COL13A1: variants seen among roughly 807,000 people sequenced by gnomAD.
The protein encoded by COL13A1 is collagen type XIII alpha 1 chain, also known as collagen alpha-1(XIII) chain.
In COL13A1, 89 loss-of-function variants were observed where a neutral mutation model predicts 130.9. The observed-to-expected ratio is 0.68, with a 90% CI of 0.57 to 0.81. The LOEUF (loss-of-function observed/expected upper bound fraction) is 0.81, where lower values mean the gene tolerates loss of function less well. COL13A1 is among the 30% of genes least tolerant of loss of function. The pLI is 0.00. For synonymous variants in COL13A1, 402 were observed against 341.6 expected, an observed-to-expected ratio of 1.18 and a Z score of -1.95; for missense variants, 879 against 934.6, an observed-to-expected ratio of 0.94 and a Z score of 0.78.
chr10:69,902,844 A>G lies in COL13A1; in HGVS notation c.847A>G (p.Met283Val), dbSNP rs1031367251. 5 of 1,536,730 alleles carry G rather than the reference A, an allele frequency of 3.3e-6. No homozygotes were observed. Among genetic ancestry groups the G allele is most frequent in the Non-Finnish European group, 4.4e-6 (5 of 1,138,994 alleles). The change falls in exon 15 of 41, where the codon ATG becomes GTG. Residue 283 changes from methionine (M) to valine (V), a missense_variant. Coordinates refer to ENST00000645393, the MANE Select transcript of COL13A1 (RefSeq NM_001368882.1). ...GGGGCACCCAGGACTGCCAGGGCCTATGGGGCCACCTGTAAGTATTCCCTT... is the reference window on the plus strand; with the variant it reads ...GGGGCACCCAGGACTGCCAGGGCCTGTGGGGCCACCTGTAAGTATTCCCTT... ...PLGHPGLPGP[M>V]GPPGLPGPPG...
intron 18 of COL13A1, among the ~76,000 whole-genome samples, chr10:69,917,755 C>G (rs1272119942): frequency 6.6e-6 from 1 of 151,892 alleles, no homozygotes; most frequent in East Asian, 1.9e-4. Flanking sequence ...CAGCCACTCC[C>G]CAGTCCATGA....
chr10:69,829,581 G>T (rs1486415271), intron 2 of COL13A1, among the ~76,000 whole-genome samples: 2 of 152,194 alleles, frequency 1.3e-5, no homozygotes, highest in Non-Finnish European at 2.9e-5. Flanking sequence ...CCAAACGAAG[G>T]CCCTTCCTTG....
intron 23 of COL13A1, among the ~76,000 whole-genome samples, chr10:69,923,571 C>T (rs894260952): frequency 2.0e-5 from 3 of 152,146 alleles, no homozygotes; most frequent in African/African-American, 7.2e-5. Context: ...GTAAAGGGTA[C>T]AGAATGCAGG....
chr10:69,880,599 G>T, intron 7 of COL13A1, 46 bp downstream of exon 7: 1 of 1,602,782 alleles, frequency 6.2e-7, no homozygotes, highest in African/African-American at 1.3e-5. Context: ...GGATGGGTGA[G>T]TTGATGAAAA....
At chr10:69,926,914 G>A (rs2065438680) in intron 26 of COL13A1, among the ~76,000 whole-genome samples, 173 bp from the exon 27 acceptor site, 1 of 152,168 alleles carries the variant, frequency 6.6e-6, no homozygotes, top group Non-Finnish European at 1.5e-5. Flanking sequence ...TCAGCGAGAG[G>A]TGGGGTGGGG....
chr10:69,818,123 A>G (rs1039020630), intron 1 of COL13A1, among the ~76,000 whole-genome samples: 7 of 151,984 alleles, frequency 4.6e-5, no homozygotes, highest in Non-Finnish European at 8.8e-5. Flanking sequence ...GCTGGGTTCC[A>G]CAAACTCGCC....
At chr10:69,922,616 C>T in intron 22 of COL13A1, 92 bp from the exon 23 acceptor site, 1 of 807,886 alleles carries the variant, frequency 1.2e-6, no homozygotes, top group Non-Finnish European at 1.8e-6. Flanking sequence ...GGTCCCCAGA[C>T]ATCCTGGGGC....
At chr10:69,922,594 C>T in intron 22 of COL13A1, 114 bp from the exon 23 acceptor site, 1 of 601,990 alleles carries the variant, frequency 1.7e-6, no homozygotes, top group South Asian at 2.9e-5. Context: ...ATCTGGGATT[C>T]TGAAGGCCCC....
chr10:69,860,632 G>A (rs10762320), intron 2 of COL13A1: 113,742 of 173,182 alleles, frequency 0.66, 38,497 homozygotes, highest in East Asian at 0.96. Flanking sequence ...TCGGGTTGTC[G>A]TTCCTCTTGC....
chr10:69,875,631 G>A (rs2059499754), intron 5 of COL13A1, among the ~76,000 whole-genome samples: 1 of 152,228 alleles, frequency 6.6e-6, no homozygotes, highest in Non-Finnish European at 1.5e-5. Flanking sequence ...ACAGGGCTTG[G>A]TCCCAGGTGG....
At position 69,916,395 on chromosome 10, in the gene COL13A1, G is replaced by A. The variant is rs780252592; in HGVS notation, c.922-894G>A. 3.3e-5 allele frequency among the ~76,000 whole-genome samples: 5 copies of A among 152,156 alleles called. No homozygotes were observed. The South Asian group carries it at 8.3e-4, about 25-fold the overall frequency. ...CATCCCGGGCCCCAGCTGGGGCTTCGTGCTCAGGCACTGCATAGGATTCAA... is the reference window on the plus strand; with the variant it reads ...CATCCCGGGCCCCAGCTGGGGCTTCATGCTCAGGCACTGCATAGGATTCAA... On this transcript the variant is annotated intron_variant, in intron 17 of 40. Coordinates refer to ENST00000645393, the MANE Select transcript of COL13A1 (RefSeq NM_001368882.1).
intron 35 of COL13A1, among the ~76,000 whole-genome samples, chr10:69,941,565 T>A (rs1232576259): frequency 6.6e-6 from 1 of 152,180 alleles, no homozygotes; most frequent in Non-Finnish European, 1.5e-5. Flanking sequence ...CCCAGCTCTG[T>A]GTCTTATGCA....
chr10:69,878,221 A>G (rs1185579979), intron 6 of COL13A1, among the ~76,000 whole-genome samples, 156 bp downstream of exon 6: 1 of 152,076 alleles, frequency 6.6e-6, no homozygotes, highest in Non-Finnish European at 1.5e-5. Context: ...CCGTTTCCTA[A>G]CAGCTTCCAT....
At chr10:69,860,795 C>A in intron 2 of COL13A1, 2 of 213,118 alleles carry the variant, frequency 9.4e-6, no homozygotes, top group Non-Finnish European at 9.9e-6. Context: ...ATCAAGGGAG[C>A]TGCAGGGATG....
intron 37 of COL13A1, among the ~76,000 whole-genome samples, chr10:69,946,006 G>T (rs1375216460): frequency 6.6e-6 from 1 of 151,616 alleles, no homozygotes; most frequent in Non-Finnish European, 1.5e-5. Flanking sequence ...GGAGGTGGAG[G>T]TTGCAGTGAG....
chr10:69,869,764 TC>T (rs1360427891), intron 3 of COL13A1, among the ~76,000 whole-genome samples: 11 of 152,306 alleles, frequency 7.2e-5, no homozygotes, highest in African/African-American at 2.2e-4. Flanking sequence ...CTATTGGCCA[TC>T]CCTGGATTCA....
chr10:69,937,768 G>A, intron 34 of COL13A1, 53 bp downstream of exon 34: 3 of 799,646 alleles, frequency 3.8e-6, no homozygotes, highest in Non-Finnish European at 6.7e-6. Flanking sequence ...CAGGGGTGTG[G>A]GCTGGGACTG....
chr10:69,919,933 ACCCAGCAGAAAG>A (rs2064412212), intron 21 of COL13A1, among the ~76,000 whole-genome samples: 1 of 152,182 alleles, frequency 6.6e-6, no homozygotes, highest in Admixed American at 6.5e-5. Context: ...AGCCTTGATT[ACCCAGCAGAAAG>A]CCTAGCAGAA....
At chr10:69,943,157 T>C (rs2067910190) in intron 35 of COL13A1, among the ~76,000 whole-genome samples, 2 of 152,208 alleles carry the variant, frequency 1.3e-5, no homozygotes, top group Non-Finnish European at 2.9e-5. Flanking sequence ...CTCCTTTTTC[T>C]TTCTGCTGTG....
Sources: allele counts gnomAD v4.1 joint callset (sites outside exome capture counted in the v4.1 genomes callset), GRCh38; gene constraint gnomAD v4.1.1; transcripts MANE v1.5; gene names NCBI Gene and HGNC (gene_info 2026-07-23, HGNC 2026-07-21).